Variants in ST6GALNAC5 observed in about 807,000 individuals in gnomAD.
The protein encoded by ST6GALNAC5 is ST6 N-acetylgalactosaminide alpha-2,6-sialyltransferase 5.
Under a neutral mutation model 33.6 loss-of-function variants are expected in ST6GALNAC5, and 27 were observed. The observed-to-expected ratio is 0.80, with a 90% CI of 0.59 to 1.11. ST6GALNAC5 has a LOEUF of 1.11. Among genes scored for constraint, ST6GALNAC5 ranks in the 50% least tolerant of loss-of-function variants. The pLI is 0.00. For synonymous variants in ST6GALNAC5, 194 were observed against 171.2 expected (o/e 1.13, Z -1.04); for missense variants, 428 against 454.0 (o/e 0.94, Z 0.52).
chr1:76,965,724 G>A (rs1648443158), intron 2 of ST6GALNAC5, among the ~76,000 whole-genome samples: 1 of 152,130 alleles, frequency 6.6e-6, no homozygotes. Context: ...TTTCTTCTAG[G>A]ATTTTTATGG....
chr1:77,019,695 A>G (rs1650982041), intron 2 of ST6GALNAC5, among the ~76,000 whole-genome samples: 1 of 152,212 alleles, frequency 6.6e-6, no homozygotes, highest in African/African-American at 2.4e-5. Flanking sequence ...GGTTTCTGCA[A>G]GTTCTTGCCC....
At chr1:76,959,260 T>C (rs1298455193) in intron 2 of ST6GALNAC5, among the ~76,000 whole-genome samples, 1 of 152,238 alleles carries the variant, frequency 6.6e-6, no homozygotes, top group Non-Finnish European at 1.5e-5. Flanking sequence ...CAAGCCTGCA[T>C]ATATTTATTC....
At chr1:77,003,557 T>C (rs1397918831) in intron 2 of ST6GALNAC5, among the ~76,000 whole-genome samples, 1 of 151,832 alleles carries the variant, frequency 6.6e-6, no homozygotes, top group African/African-American at 2.4e-5. Flanking sequence ...GTTCTTTTGC[T>C]CATTAGTTGA....
intron 4 of ST6GALNAC5, among the ~76,000 whole-genome samples, chr1:77,062,412 C>T (rs1452735448): frequency 6.6e-6 from 1 of 152,122 alleles, no homozygotes; most frequent in Non-Finnish European, 1.5e-5. Flanking sequence ...CAAGTGACCA[C>T]CATCAAGTGC....
intron 2 of ST6GALNAC5, among the ~76,000 whole-genome samples, chr1:76,954,544 G>C (rs1420706526): frequency 6.6e-6 from 1 of 151,770 alleles, no homozygotes; most frequent in East Asian, 1.9e-4. Flanking sequence ...TAGATGTTGA[G>C]AGGAAAAAAA....
intron 2 of ST6GALNAC5, among the ~76,000 whole-genome samples, chr1:76,883,361 T>C (rs986809253): frequency 1.3e-5 from 2 of 152,240 alleles, no homozygotes; most frequent in African/African-American, 4.8e-5. Context: ...TTGAAAACTG[T>C]ATCTCAGACA....
chr1:76,914,963 A>G (rs1433616049), intron 2 of ST6GALNAC5, among the ~76,000 whole-genome samples: 2 of 151,250 alleles, frequency 1.3e-5, no homozygotes, highest in African/African-American at 2.4e-5. Flanking sequence ...GCTAATATCC[A>G]GAATCTACAA....
At chr1:77,016,427 A>G (rs1650856186) in intron 2 of ST6GALNAC5, among the ~76,000 whole-genome samples, 1 of 151,756 alleles carries the variant, frequency 6.6e-6, no homozygotes, top group Non-Finnish European at 1.5e-5. Context: ...TATGTGTGCT[A>G]TTTTGAAATT....
chr1:76,997,151 G>C (rs1022231398), intron 2 of ST6GALNAC5, among the ~76,000 whole-genome samples: 1 of 152,168 alleles, frequency 6.6e-6, no homozygotes, highest in Non-Finnish European at 1.5e-5. Context: ...TTTCATAGTA[G>C]ATGATTTTGA....
intron 2 of ST6GALNAC5, among the ~76,000 whole-genome samples, chr1:76,996,381 G>A (rs934515579): frequency 1.1e-4 from 16 of 151,668 alleles, no homozygotes; most frequent in African/African-American, 3.2e-4. Context: ...CTTCCAGGAC[G>A]CAAACAAGAA....
intron 2 of ST6GALNAC5, among the ~76,000 whole-genome samples, chr1:77,010,218 C>G (rs572278989): frequency 1.8e-4 from 28 of 152,004 alleles, no homozygotes; most frequent in Admixed American, 1.4e-3. Flanking sequence ...AACCTTGGGC[C>G]GGGCAGTGGT....
At chr1:77,009,879 G>A (rs1429355634) in intron 2 of ST6GALNAC5, among the ~76,000 whole-genome samples, 2 of 152,100 alleles carry the variant, frequency 1.3e-5, no homozygotes, top group Non-Finnish European at 2.9e-5. Context: ...GAGTGACCTT[G>A]ATCCTTTCCC....
chr1:76,997,857 C>G (rs1185071386), intron 2 of ST6GALNAC5, among the ~76,000 whole-genome samples: 2 of 152,098 alleles, frequency 1.3e-5, no homozygotes, highest in Non-Finnish European at 2.9e-5. Flanking sequence ...TGTGTTCCCA[C>G]CCAAATCTCA....
At chr1:77,049,505 T>C (rs1652146659) in intron 3 of ST6GALNAC5, among the ~76,000 whole-genome samples, 1 of 152,200 alleles carries the variant, frequency 6.6e-6, no homozygotes, top group African/African-American at 2.4e-5. Flanking sequence ...TCCTAAGGTG[T>C]AGCATATGGT....
At chr1:76,975,448 C>G (rs952956763) in intron 2 of ST6GALNAC5, among the ~76,000 whole-genome samples, 28 of 152,244 alleles carry the variant, frequency 1.8e-4, no homozygotes, top group Non-Finnish European at 3.7e-4. Flanking sequence ...TTTAATTCAG[C>G]AGGGTGAGAA....
At chr1:77,032,162 C>A (rs1302617312) in intron 2 of ST6GALNAC5, among the ~76,000 whole-genome samples, 1 of 152,070 alleles carries the variant, frequency 6.6e-6, no homozygotes, top group Non-Finnish European at 1.5e-5. Flanking sequence ...CGTGCAAAGA[C>A]CTGAGACCAG....
chr1:76,918,140 T>G (rs1418968812), intron 2 of ST6GALNAC5, among the ~76,000 whole-genome samples: 2 of 152,176 alleles, frequency 1.3e-5, no homozygotes, highest in African/African-American at 4.8e-5. Context: ...TTCAGCTGGG[T>G]AGAAATTACC....
At chr1:77,040,359 A>G (rs768686521) in intron 2 of ST6GALNAC5, among the ~76,000 whole-genome samples, 7 of 152,240 alleles carry the variant, frequency 4.6e-5, no homozygotes, top group East Asian at 1.9e-4. Context: ...ATGCATCTGC[A>G]CAACTCAAAG....
chr1:76,926,337 G>A (rs1289196604), intron 2 of ST6GALNAC5, among the ~76,000 whole-genome samples: 1 of 151,894 alleles, frequency 6.6e-6, no homozygotes, highest in East Asian at 1.9e-4. Flanking sequence ...ATCACCCAGC[G>A]GCAACCATTG....
Sources: gnomAD v4.1 joint callset for allele counts (sites outside exome capture counted in the v4.1 genomes callset) on GRCh38, gnomAD v4.1.1 for gene constraint, MANE v1.5 for transcripts, NCBI Gene and HGNC (gene_info 2026-07-23, HGNC 2026-07-21) for gene names.